The following RIMS2 variants were observed in gnomAD, a reference collection of about 807,000 sequenced individuals.
The protein encoded by RIMS2 is regulating synaptic membrane exocytosis protein 2.
In RIMS2, 59 loss-of-function variants were observed where a neutral mutation model predicts 174.4. The ratio of observed to expected loss-of-function variants is 0.34; its 90% CI spans 0.27 to 0.42. The LOEUF (loss-of-function observed/expected upper bound fraction) is 0.42, where lower values mean the gene tolerates loss of function less well. Among genes scored for constraint, RIMS2 ranks in the 10% least tolerant of loss-of-function variants. RIMS2 has a pLI of 1.00. For missense variants in RIMS2, 1,620 were observed against 1,666.3 expected, an observed-to-expected ratio of 0.97 and a Z score of 0.48; for synonymous variants, 606 against 572.5, an observed-to-expected ratio of 1.06 and a Z score of -0.84.
intron 3 of RIMS2, among the ~76,000 whole-genome samples, chr8:103,797,106 C>T (rs552633457): frequency 1.3e-5 from 2 of 152,062 alleles, no homozygotes; most frequent in Non-Finnish European, 2.9e-5. Flanking sequence ...GAAGAGCACT[C>T]TAGGCAGAGA....
intron 1 of RIMS2, among the ~76,000 whole-genome samples, chr8:103,609,627 G>C (rs1416028490): frequency 6.6e-6 from 1 of 152,134 alleles, no homozygotes; most frequent in African/African-American, 2.4e-5. Flanking sequence ...TTTATTGCTT[G>C]TTTTTGTCAG....
chr8:103,527,328 T>TATAAA (rs1461883038), intron 1 of RIMS2, among the ~76,000 whole-genome samples: 2 of 152,224 alleles, frequency 1.3e-5, no homozygotes, highest in African/African-American at 4.8e-5. Context: ...ATGTTTCTAA[T>TATAAA]ATAAAATTGC....
chr8:103,542,502 A>G (rs1842990933), intron 1 of RIMS2, among the ~76,000 whole-genome samples: 1 of 152,156 alleles, frequency 6.6e-6, no homozygotes, highest in Admixed American at 6.5e-5. Flanking sequence ...AGCTGGCATT[A>G]TGCCAATATC....
At chr8:104,001,616 T>TA in intron 17 of RIMS2, among the ~76,000 whole-genome samples, 1 of 152,058 alleles carries the variant, frequency 6.6e-6, no homozygotes, top group South Asian at 2.1e-4. Context: ...CTCTTTTTTT[T>TA]ATCTTTTTTA....
intron 1 of RIMS2, among the ~76,000 whole-genome samples, chr8:103,576,357 T>C (rs1279934668): frequency 8.6e-5 from 13 of 151,874 alleles, no homozygotes; most frequent in Admixed American, 8.5e-4. Context: ...ACATATCCAA[T>C]AAAAACCACA....
At chr8:103,516,583 C>T (rs1829081810) in intron 1 of RIMS2, among the ~76,000 whole-genome samples, 1 of 151,900 alleles carries the variant, frequency 6.6e-6, no homozygotes, top group Non-Finnish European at 1.5e-5. Context: ...GAAATACAAA[C>T]AATAAAAAGA....
chr8:104,149,717 A>G (rs1172301852), intron 19 of RIMS2, among the ~76,000 whole-genome samples: 1 of 152,214 alleles, frequency 6.6e-6, no homozygotes, highest in East Asian at 1.9e-4. Context: ...TTTGACTACT[A>G]GGACTCTTGT....
intron 17 of RIMS2, 31 bp from the exon 20 acceptor site, chr8:104,013,411 C>T (rs1444005763): frequency 5.6e-6 from 9 of 1,597,982 alleles, no homozygotes; most frequent in Non-Finnish European, 6.9e-6. Context: ...CACTAAAGAT[C>T]AACTGAGCTG....
chr8:104,100,929 G>GAT (rs1555225564), intron 19 of RIMS2, among the ~76,000 whole-genome samples: 125 of 103,880 alleles, frequency 1.2e-3, no homozygotes, highest in African/African-American at 4.9e-3. Context: ...TTATATATGT[G>GAT]ATATATTATA....
At chr8:103,540,865 C>T (rs1466584906) in intron 1 of RIMS2, among the ~76,000 whole-genome samples, 1 of 151,808 alleles carries the variant, frequency 6.6e-6, no homozygotes, top group Non-Finnish European at 1.5e-5. Context: ...AAAACAATGA[C>T]TGGAATGAAA....
intron 15 of RIMS2, 54 bp from the exon 18 acceptor site, chr8:103,975,296 G>A (rs555557387): frequency 4.5e-5 from 57 of 1,256,124 alleles, no homozygotes; most frequent in East Asian, 3.5e-4. Context: ...TAGAAGAGAC[G>A]CAAAGGACTT....
chr8:104,021,338 A>G (rs1217001526), intron 19 of RIMS2, among the ~76,000 whole-genome samples: 3 of 152,180 alleles, frequency 2.0e-5, no homozygotes, highest in African/African-American at 7.2e-5. Flanking sequence ...TTCATAAGAC[A>G]ATAAACATTT....
chr8:103,581,123 G>A (rs560571718), intron 1 of RIMS2, among the ~76,000 whole-genome samples: 3 of 152,106 alleles, frequency 2.0e-5, no homozygotes, highest in Admixed American at 6.5e-5. Flanking sequence ...TGGCCGAGAA[G>A]GGAATACTTT....
intron 14 of RIMS2, among the ~76,000 whole-genome samples, chr8:103,960,402 T>C (rs749877679): frequency 1.3e-5 from 2 of 152,204 alleles, no homozygotes; most frequent in Non-Finnish European, 2.9e-5. Flanking sequence ...CTAGTCTATT[T>C]CTTAGAAAAC....
intron 8 of RIMS2, among the ~76,000 whole-genome samples, chr8:103,917,987 A>C (rs2076933848): frequency 6.6e-6 from 1 of 152,178 alleles, no homozygotes; most frequent in African/African-American, 2.4e-5. Flanking sequence ...AAAATAAATA[A>C]AATAAAATGA....
chr8:103,842,777 G>T (rs1347324489), intron 3 of RIMS2, among the ~76,000 whole-genome samples: 1 of 152,156 alleles, frequency 6.6e-6, no homozygotes. Context: ...GTATTAGTTT[G>T]CTAGGGCTGC....
chr8:103,574,536 T>A (rs1267063649), intron 1 of RIMS2, among the ~76,000 whole-genome samples: 1 of 152,246 alleles, frequency 6.6e-6, no homozygotes, highest in Admixed American at 6.5e-5. Context: ...TATGGAGCTA[T>A]TCCAAGAATG....
intron 3 of RIMS2, chr8:103,768,322 A>T (rs1292336901): frequency 1.5e-6 from 1 of 655,512 alleles, no homozygotes; most frequent in Non-Finnish European, 2.8e-6. Context: ...GCTGCCAGAA[A>T]CTCATTGAAG....
chr8:104,132,662 C>T (rs1409596792), intron 19 of RIMS2, among the ~76,000 whole-genome samples: 1 of 152,166 alleles, frequency 6.6e-6, no homozygotes, highest in Non-Finnish European at 1.5e-5. Flanking sequence ...AGCACAATTA[C>T]CACAGCGTAT....
Sources: gnomAD v4.1 joint callset for allele counts (sites outside exome capture counted in the v4.1 genomes callset) on GRCh38, gnomAD v4.1.1 for gene constraint, MANE v1.5 for transcripts, NCBI Gene and HGNC (gene_info 2026-07-23, HGNC 2026-07-21) for gene names.